Variants in TELO2 observed in about 807,000 individuals in gnomAD.
TELO2 encodes telomere maintenance 2, also known as telomere length regulation protein TEL2 homolog.
In TELO2, 71 loss-of-function variants were observed where a neutral mutation model predicts 91.0. The ratio of observed to expected loss-of-function variants is 0.78; its 90% CI spans 0.64 to 0.95. The LOEUF is 0.95. Ranked by LOEUF, TELO2 falls within the 40% of genes least tolerant of loss-of-function variation. The pLI is 0.00. For synonymous variants in TELO2, 584 were observed against 518.9 expected (o/e 1.13, Z -1.71); for missense variants, 1,183 against 1,141.3 (o/e 1.04, Z -0.53).
At chr16:1,501,895 C>T (rs750422965) in intron 11 of TELO2, 122 bp downstream of exon 11, 202 of 1,433,838 alleles carry the variant, frequency 1.4e-4, no homozygotes, top group Non-Finnish European at 1.9e-4. Context: ...CTTTCGTCCT[C>T]ATGTGAGGGC....
At chr16:1,503,147 G>T in intron 15 of TELO2, 145 bp downstream of exon 15, 1 of 875,718 alleles carries the variant, frequency 1.1e-6, no homozygotes, top group Non-Finnish European at 1.8e-6. Flanking sequence ...GACCCGGCAG[G>T]ACTCAGCAGT....
chr16:1,501,466 C>G lies in TELO2; in HGVS notation c.1328C>G (p.Pro443Arg), dbSNP rs1567299687. 6.2e-7 allele frequency: 1 copy of G among 1,611,916 alleles called. No homozygotes were observed. Among genetic ancestry groups the G allele is most frequent in the Non-Finnish European group, 8.5e-7 (1 of 1,179,394 alleles). ...LSLELLALAS[P>R]QPAGDGASEA... The stretch of plus-strand genomic sequence containing the variant: ...CTCGAGCTGCTGGCCTTGGCCTCCC[C>G]CCAGCCTGCGGGTGACGGCGCCTCG... The change falls in exon 10 of 21, where the codon CCC becomes CGC. Residue 443 changes from proline (P) to arginine (R), a missense_variant. Coordinates refer to ENST00000262319, the MANE Select transcript of TELO2 (RefSeq NM_016111.4).
At chr16:1,499,885 G>A (rs1487553537) in intron 6 of TELO2, among the ~76,000 whole-genome samples, 3 of 152,216 alleles carry the variant, frequency 2.0e-5, no homozygotes, top group Admixed American at 2.0e-4. Flanking sequence ...CAGTTCAAAG[G>A]AATAGAGGCG....
chr16:1,496,905 A>G (rs943488221), intron 3 of TELO2, 131 bp from the exon 4 acceptor site: 1 of 828,152 alleles, frequency 1.2e-6, no homozygotes, highest in Non-Finnish European at 2.0e-6. Flanking sequence ...GCTGATGGGC[A>G]CCAGCCGTTG....
rs765513161 is a variant in TELO2 at position 1,495,629 on chromosome 16, G to A, written c.613+6G>A. 57 of 1,577,934 alleles carry A rather than the reference G, an allele frequency of 3.6e-5. No homozygotes were observed. The highest frequency in any genetic ancestry group is 1.7e-4 in the Middle Eastern group (1 of 5,720). On this transcript the variant is annotated splice_donor_region_variant and intron_variant, in intron 3 of 20. Coordinates refer to ENST00000262319, the MANE Select transcript of TELO2 (RefSeq NM_016111.4). ...GGTTGTGGACTCTCTCCAAGGTGAG[G>A]CCCTGCCTCGGGGACCCCCTTTGCC...
chr16:1,508,826 G>T (rs868136695), intron 20 of TELO2, among the ~76,000 whole-genome samples: 3 of 152,206 alleles, frequency 2.0e-5, no homozygotes, highest in African/African-American at 7.2e-5. Context: ...GCTCTGCCCT[G>T]TCCCTTCCCA....
Position 1,505,919 on chromosome 16 carries a change from G to A in TELO2, c.2034+318G>A, listed in dbSNP as rs1267283087. Among the ~76,000 whole-genome samples, 1 of 152,200 alleles carries A rather than the reference G, an allele frequency of 6.6e-6. No homozygotes were observed. Among genetic ancestry groups the A allele is most frequent in the Admixed American group, 6.5e-5 (1 of 15,290 alleles). ...TTAGGGGCGTCTGGAGATGTTTTTG[G>A]TTGTCACTAGGGGTGGGTTGGAGGC... On this transcript the variant is annotated intron_variant, in intron 16 of 20. Coordinates refer to ENST00000262319, the MANE Select transcript of TELO2 (RefSeq NM_016111.4). This position sits in a 1 kb window ranked among gnomAD's most constrained non-coding sequence, Gnocchi z 4.3.
intron 20 of TELO2, among the ~76,000 whole-genome samples, chr16:1,509,534 G>A (rs1471700803): frequency 6.6e-6 from 1 of 152,268 alleles, no homozygotes; most frequent in Non-Finnish European, 1.5e-5. Context: ...CCAGCAAGGA[G>A]CAGGCCCTGC....
At chr16:1,501,853 G>A (rs576954001) in intron 11 of TELO2, 80 bp downstream of exon 11, 7 of 1,494,918 alleles carry the variant, frequency 4.7e-6, no homozygotes, top group Middle Eastern at 1.8e-4. Flanking sequence ...GCGGCCCCGT[G>A]GGGGGCTCCC....
chr16:1,495,503 G>A lies in TELO2; in HGVS notation c.493G>A (p.Asp165Asn). 3 of 1,610,962 alleles carry A rather than the reference G, an allele frequency of 1.9e-6. No homozygotes were observed. Among genetic ancestry groups the A allele is most frequent in the Non-Finnish European group, 1.7e-6 (2 of 1,179,832 alleles). The change falls in exon 3 of 21, where the codon GAT becomes AAT. Residue 165 changes from aspartate to asparagine, a missense_variant. Asp to Asn is a conservative substitution (Grantham distance 23). Transcript: ENST00000262319. ...TLLGKVVALP[D>N]HLGNRLQQEN... ...GCTGGGCAAGGTGGTGGCCCTGCCCGATCACCTGGGCAACCGCCTGCAGCA... is the reference window on the plus strand; with the variant it reads ...GCTGGGCAAGGTGGTGGCCCTGCCCAATCACCTGGGCAACCGCCTGCAGCA...
Position 1,505,647 on chromosome 16 carries a change from T to TGGGTGGGG in TELO2, c.2034+53_2034+54insGGGGTGGG. The TGGGTGGGG allele has an allele frequency of 1.3e-6, 1 of 768,034 alleles. No homozygotes were observed. The highest frequency in any genetic ancestry group is 2.1e-6 in the Non-Finnish European group (1 of 471,100). 47.6% of individuals were successfully genotyped at this position (768,034 alleles called of 1,614,324 possible). On this transcript the variant is annotated intron_variant, in intron 16 of 20. Transcript: ENST00000262319. This position sits in a 1 kb window ranked among gnomAD's most constrained non-coding sequence, Gnocchi z 4.3. ...TCCTCACGGGCATGGGGACCGTGGGTGGGTGGGAAGGGCGGTCAGACACCT... is the reference window on the plus strand; with the variant it reads ...TCCTCACGGGCATGGGGACCGTGGGTGGGTGGGGGGGTGGGAAGGGCGGTCAGACACCT...
In TELO2 at chr16:1,500,505, G is replaced by A. The variant is rs755341011; in HGVS notation, c.1144+17G>A. ...GCCGGGATGGTGAGCGGGTGGTTTG[G>A]GCTCCCCCCGGCCTCGGGCGCCCCG... On this transcript the variant is annotated intron_variant, in intron 8 of 20. Coordinates refer to ENST00000262319, the MANE Select transcript of TELO2 (RefSeq NM_016111.4). 48 of 1,609,342 alleles carry A rather than the reference G, an allele frequency of 3.0e-5. No individual in the cohort carries two copies. The highest frequency in any genetic ancestry group is 3.8e-5 in the Non-Finnish European group (45 of 1,178,428).
rs755334602 is a variant in TELO2, at chr16:1,507,399, CA to C, written c.2291+30del. The C allele has an allele frequency of 3.1e-6, 5 of 1,606,838 alleles. No homozygotes were observed. In the African/African-American group the frequency reaches 5.3e-5, roughly 17 times the overall value. On this transcript the variant is annotated intron_variant, in intron 19 of 20. Coordinates refer to ENST00000262319, the MANE Select transcript of TELO2 (RefSeq NM_016111.4). ...AGTGGCCTGTGGGGCTGGGCCAGGC[CA>C]GGGGTGCAGGCAGACACAGGGGTCT...
chr16:1,499,232 C>A lies in TELO2; in HGVS notation c.832C>A (p.Pro278Thr), dbSNP rs148740663. The A allele has an allele frequency of 6.2e-7, 1 of 1,613,940 alleles. No individual in the cohort carries two copies. The highest frequency in any genetic ancestry group is 8.5e-7 in the Non-Finnish European group (1 of 1,179,996). ...LTGLVEAALGPEVLSRLLGNL... is the reference protein window; with the variant it reads ...LTGLVEAALGTEVLSRLLGNL... ...CTGGCCCCTGACTCTGTCTTGCAGG[C>A]CTGAGGTCCTTTCGAGACTGCTGGG... The change falls in exon 6 of 21, where the codon CCT becomes ACT. Residue 278 changes from proline to threonine, a missense_variant and splice_region_variant. By Grantham distance (38) the Pro-to-Thr change is conservative (BLOSUM62 -1). Transcript: ENST00000262319.
At chr16:1,503,434 C>G (rs1298766258) in intron 15 of TELO2, among the ~76,000 whole-genome samples, 1 of 152,034 alleles carries the variant, frequency 6.6e-6, no homozygotes. Flanking sequence ...GACTGTGGTC[C>G]CAGTTACTCG....
chr16:1,498,442 G>A (rs2039568446), intron 5 of TELO2, among the ~76,000 whole-genome samples: 1 of 151,878 alleles, frequency 6.6e-6, no homozygotes, highest in South Asian at 2.1e-4. Context: ...TGTTGTTGGG[G>A]GGGATTGTTT....
chr16:1,506,687 A>G lies in TELO2; in HGVS notation c.2127-265A>G. 4 of 1,376,680 alleles carry G rather than the reference A, an allele frequency of 2.9e-6. No individual in the cohort carries two copies. In the South Asian group the frequency reaches 4.6e-5, roughly 16 times the overall value. 85.3% of individuals were successfully genotyped at this position (1,376,680 alleles called of 1,614,324 possible). A position where few individuals can be genotyped will look rare whatever the true frequency, so the allele number is the denominator to read the frequency against. On this transcript the variant is annotated intron_variant, in intron 17 of 20. Coordinates refer to ENST00000262319, the MANE Select transcript of TELO2 (RefSeq NM_016111.4). Reference sequence around the variant, plus strand: ...GGGCGTGAGGCTCTCGAGATGGCAGAGAAGTGTGGGGCCTGGGTTGTGCTG... The same window carrying G: ...GGGCGTGAGGCTCTCGAGATGGCAGGGAAGTGTGGGGCCTGGGTTGTGCTG...
intron 3 of TELO2, among the ~76,000 whole-genome samples, chr16:1,496,279 C>G (rs972887960): frequency 6.6e-6 from 1 of 152,230 alleles, no homozygotes; most frequent in Non-Finnish European, 1.5e-5. Flanking sequence ...TGGAGCAGCT[C>G]GGCGCCCCCT....
intron 12 of TELO2, 28 bp downstream of exon 12, chr16:1,502,163 C>A (rs537090412): frequency 6.2e-7 from 1 of 1,611,200 alleles, no homozygotes; most frequent in South Asian, 1.1e-5. Context: ...GAGGGCCTTG[C>A]TGGGCTGGGC....
Sources: allele counts gnomAD v4.1 joint callset (sites outside exome capture counted in the v4.1 genomes callset), GRCh38; gene constraint gnomAD v4.1.1; non-coding constraint Gnocchi (gnomAD v3.1); transcripts MANE v1.5; gene names NCBI Gene and HGNC (gene_info 2026-07-23, HGNC 2026-07-21).